The following PDE1C variants were observed in gnomAD, a reference collection of about 807,000 sequenced individuals.
The protein encoded by PDE1C is phosphodiesterase 1C, also known as dual specificity calcium/calmodulin-dependent 3',5'-cyclic nucleotide phosphodiesterase 1C.
Under a neutral mutation model 93.1 loss-of-function variants are expected in PDE1C, and 62 were observed. The ratio of observed to expected loss-of-function variants is 0.67; its 90% CI spans 0.54 to 0.82. The LOEUF is 0.82. Ranked by LOEUF, PDE1C falls within the 40% of genes least tolerant of loss-of-function variation. The pLI is 0.00. For synonymous variants in PDE1C, 325 were observed against 310.1 expected (o/e 1.05, Z -0.50); for missense variants, 742 against 884.6 (o/e 0.84, Z 2.04).
chr7:31,960,671 G>A (rs1341223948), intron 2 of PDE1C, among the ~76,000 whole-genome samples: 1 of 152,094 alleles, frequency 6.6e-6, no homozygotes, highest in Non-Finnish European at 1.5e-5. Flanking sequence ...AAATATGAAC[G>A]ATTAATAAAT....
At chr7:32,101,927 G>C (rs940876464) in intron 3 of PDE1C, among the ~76,000 whole-genome samples, 3 of 152,158 alleles carry the variant, frequency 2.0e-5, no homozygotes, top group African/African-American at 7.2e-5. Flanking sequence ...CATGGCAATA[G>C]AGTGAGTGAG....
At chr7:31,780,518 T>A (rs951960396) in intron 16 of PDE1C, among the ~76,000 whole-genome samples, 5 of 152,172 alleles carry the variant, frequency 3.3e-5, no homozygotes, top group African/African-American at 1.2e-4. Context: ...AAAAAAGCAA[T>A]GTATTAAATT....
At chr7:31,739,943 AT>A in the PDE1C span, among the ~76,000 whole-genome samples, 1 of 152,296 alleles carries the variant, frequency 6.6e-6, no homozygotes, top group African/African-American at 2.4e-5. Flanking sequence ...TAGTTTCCTA[AT>A]TTTTGACTTT....
intron 1 of PDE1C, among the ~76,000 whole-genome samples, chr7:32,258,355 CATTGGATCTGGTATCAAT>C (rs1473190652): frequency 6.6e-6 from 1 of 152,158 alleles, no homozygotes; most frequent in Non-Finnish European, 1.5e-5. Flanking sequence ...TGAAACTCTG[CATTGGATCTGGTATCAAT>C]ATTGGCGTTG....
chr7:31,829,447 T>G (rs1293875977), intron 11 of PDE1C, among the ~76,000 whole-genome samples: 2 of 152,164 alleles, frequency 1.3e-5, no homozygotes, highest in Non-Finnish European at 2.9e-5. Context: ...ATAAGTACTG[T>G]CAATAAATTA....
chr7:31,826,977 T>C (rs1288528658), intron 12 of PDE1C, among the ~76,000 whole-genome samples: 1 of 152,178 alleles, frequency 6.6e-6, no homozygotes, highest in Non-Finnish European at 1.5e-5. Context: ...AATAAAACTT[T>C]ATTTACAAGA....
chr7:31,637,072 T>G, the PDE1C span, among the ~76,000 whole-genome samples: 3 of 152,032 alleles, frequency 2.0e-5, no homozygotes, highest in Non-Finnish European at 4.4e-5. Flanking sequence ...AATTCATCAT[T>G]TTTTTATGGC....
chr7:32,096,562 T>C lies in PDE1C; in HGVS notation c.308+73223A>G, dbSNP rs139849693. ...CAAATCTTGGCTCTGCTCCTATTCA[T>C]CAGTTCTAAATCTGTCTTGTGGGGC... On this transcript the variant is annotated intron_variant, in intron 3 of 18. Transcript: ENST00000396193. Among the ~76,000 whole-genome samples the C allele has an allele frequency of 8.0e-3, 1,223 of 152,302 alleles. 14 individuals are homozygous for C. Among genetic ancestry groups the C allele is most frequent in the African/African-American group, 0.028 (1,155 of 41,572 alleles).
intron 1 of PDE1C, among the ~76,000 whole-genome samples, chr7:32,418,329 G>A (rs185312851): frequency 5.3e-5 from 8 of 152,296 alleles, no homozygotes; most frequent in East Asian, 1.9e-4. Flanking sequence ...CTCACTAGAT[G>A]TGCAACCTCA....
intron 2 of PDE1C, among the ~76,000 whole-genome samples, chr7:32,182,908 C>T (rs2128813571): frequency 6.6e-6 from 1 of 152,286 alleles, no homozygotes; most frequent in South Asian, 2.1e-4. Flanking sequence ...ACCCCATCGT[C>T]TCAGCCCAAA....
Position 31,865,008 on chromosome 7 carries a change from A to G in PDE1C, c.684T>C (p.His228=), listed in dbSNP as rs1795122490. 2.5e-6 allele frequency: 4 copies of G among 1,614,094 alleles called. No homozygotes were observed. The highest frequency in any genetic ancestry group is 3.4e-6 in the Non-Finnish European group (4 of 1,179,950). The change falls in exon 7 of 18, where the codon CAT becomes CAC. Residue 228 remains histidine (H), a synonymous_variant. Transcript: ENST00000396191. ...VGYSKHKNPY[H]NLMHAADVTQ... ...TAACATCGGCAGCGTGCATTAAGTTATGGTAAGGATTTTTGTGCTTGCTGT... is the reference window on the plus strand; with the variant it reads ...TAACATCGGCAGCGTGCATTAAGTTGTGGTAAGGATTTTTGTGCTTGCTGT...
the PDE1C span, among the ~76,000 whole-genome samples, chr7:31,700,692 C>A: frequency 5.6e-3 from 845 of 152,224 alleles, 9 homozygotes; most frequent in African/African-American, 0.019. Context: ...AAAGGACAGG[C>A]CAACTCTCTT....
chr7:32,191,705 TAA>T (rs1236424449), intron 2 of PDE1C, among the ~76,000 whole-genome samples: 1 of 152,214 alleles, frequency 6.6e-6, no homozygotes, highest in Non-Finnish European at 1.5e-5. Context: ...TGTGTTAATA[TAA>T]GTCTTCATTT....
At chr7:32,138,863 T>A (rs1416389649) in intron 3 of PDE1C, among the ~76,000 whole-genome samples, 1 of 152,172 alleles carries the variant, frequency 6.6e-6, no homozygotes, top group East Asian at 1.9e-4. Flanking sequence ...ACATTAGTAA[T>A]CCTGAGTCTC....
At chr7:31,863,911 A>C (rs1482337858) in intron 7 of PDE1C, among the ~76,000 whole-genome samples, 2 of 152,146 alleles carry the variant, frequency 1.3e-5, no homozygotes, top group Admixed American at 1.3e-4. Flanking sequence ...AAAGCCCACA[A>C]TCCTCCCACA....
chr7:32,385,546 G>A (rs215723), intron 1 of PDE1C, among the ~76,000 whole-genome samples: 113,767 of 151,978 alleles, frequency 0.75, 44,545 homozygotes, highest in East Asian at 0.96. Context: ...GGGGAGAAGA[G>A]AGCTCTCTCA....
chr7:31,904,369 A>AT (rs201477843), intron 2 of PDE1C, among the ~76,000 whole-genome samples: 3,625 of 152,174 alleles, frequency 0.024, 54 homozygotes, highest in Non-Finnish European at 0.032. Context: ...ATAAAAAAAA[A>AT]ATCTATATAC....
intron 2 of PDE1C, among the ~76,000 whole-genome samples, chr7:32,191,885 T>G (rs755032288): frequency 1.6e-4 from 25 of 152,210 alleles, no homozygotes; most frequent in Non-Finnish European, 2.9e-4. Context: ...CATTTTTATT[T>G]TAGCTGTTCG....
intron 3 of PDE1C, among the ~76,000 whole-genome samples, chr7:32,149,213 T>C (rs1433787761): frequency 6.6e-6 from 1 of 152,154 alleles, no homozygotes; most frequent in East Asian, 1.9e-4. Context: ...ATAGATAACA[T>C]GAACATCGAA....
Sources: gnomAD v4.1 joint callset for allele counts (sites outside exome capture counted in the v4.1 genomes callset) on GRCh38, gnomAD v4.1.1 for gene constraint, MANE v1.5 for transcripts, NCBI Gene and HGNC (gene_info 2026-07-23, HGNC 2026-07-21) for gene names.